Variants in LUZP2 observed in about 807,000 individuals in gnomAD.
LUZP2 encodes the protein leucine zipper protein 2.
A neutral mutation model predicts 51.6 loss-of-function variants in LUZP2; 52 were observed. The observed-to-expected ratio is 1.01, with a 90% confidence interval of 0.81 to 1.27. LUZP2 has a LOEUF of 1.27. LUZP2 is among the 50% of genes most tolerant of loss of function. The probability of loss-of-function intolerance (pLI) is 0.00; values close to 1 mark genes in which losing one functional copy is unlikely to be tolerated. For synonymous variants in LUZP2, 154 were observed against 137.3 expected (o/e 1.12, Z -0.85); for missense variants, 436 against 395.4 (o/e 1.10, Z -0.87).
chr11:24,645,027 CTTT>C (rs1855422145), intron 1 of LUZP2, among the ~76,000 whole-genome samples: 1 of 152,042 alleles, frequency 6.6e-6, no homozygotes, highest in African/African-American at 2.4e-5. Context: ...ATTTTTGTGT[CTTT>C]TTGTCTAACT....
At chr11:24,825,739 A>G (rs1850504852) in intron 5 of LUZP2, among the ~76,000 whole-genome samples, 1 of 152,056 alleles carries the variant, frequency 6.6e-6, no homozygotes, top group Non-Finnish European at 1.5e-5. Flanking sequence ...GAAATCCCAC[A>G]AGCTTCCCTC....
At chr11:24,937,157 A>T (rs1854608699) in intron 7 of LUZP2, among the ~76,000 whole-genome samples, 1 of 152,214 alleles carries the variant, frequency 6.6e-6, no homozygotes, top group African/African-American at 2.4e-5. Context: ...TCTAAGAAAA[A>T]CTAATTTACA....
intron 5 of LUZP2, among the ~76,000 whole-genome samples, chr11:24,867,587 T>C (rs554521944): frequency 1.3e-5 from 2 of 152,264 alleles, no homozygotes; most frequent in African/African-American, 2.4e-5. Flanking sequence ...TTAACTCTCA[T>C]GGAGACTTAC....
intron 7 of LUZP2, among the ~76,000 whole-genome samples, chr11:24,934,579 C>T (rs1405942474): frequency 6.6e-6 from 1 of 151,550 alleles, no homozygotes; most frequent in Admixed American, 6.6e-5. Context: ...CCATTCTCAC[C>T]AAATTTTACC....
intron 5 of LUZP2, among the ~76,000 whole-genome samples, chr11:24,879,625 A>T (rs145441162): frequency 1.8e-3 from 274 of 152,202 alleles, no homozygotes; most frequent in African/African-American, 6.3e-3. Flanking sequence ...CTGGCGTGAG[A>T]TGGTATCTCT....
chr11:24,928,196 C>G (rs1047165778), intron 7 of LUZP2, among the ~76,000 whole-genome samples: 4 of 152,026 alleles, frequency 2.6e-5, no homozygotes, highest in African/African-American at 9.7e-5. Context: ...AGCAGTTTGA[C>G]TTCCTCTTTA....
intron 1 of LUZP2, 166 bp from the exon 2 acceptor site, chr11:24,729,003 G>T: frequency 2.4e-6 from 1 of 412,392 alleles, no homozygotes. Flanking sequence ...TTATAAAATG[G>T]GGTTTTCAAT....
chr11:24,912,348 A>G (rs1369889282), intron 6 of LUZP2, among the ~76,000 whole-genome samples: 2 of 152,004 alleles, frequency 1.3e-5, no homozygotes, highest in African/African-American at 2.4e-5. Context: ...AATATCTGTG[A>G]AAAAACTGTG....
chr11:25,021,239 C>G (rs933208796), intron 9 of LUZP2, among the ~76,000 whole-genome samples: 3 of 151,648 alleles, frequency 2.0e-5, no homozygotes, highest in Non-Finnish European at 4.4e-5. Context: ...AGCATTCTCT[C>G]AGAGACTTAT....
intron 1 of LUZP2, among the ~76,000 whole-genome samples, chr11:24,645,533 A>C (rs555531360): frequency 6.6e-6 from 1 of 152,272 alleles, no homozygotes; most frequent in African/African-American, 2.4e-5. Context: ...AGCACTTGAC[A>C]GCTGTCACCC....
intron 5 of LUZP2, among the ~76,000 whole-genome samples, chr11:24,765,062 A>T (rs1439545048): frequency 6.6e-6 from 1 of 152,192 alleles, no homozygotes; most frequent in African/African-American, 2.4e-5. Context: ...ATTGATAACC[A>T]AAAAAGCTTT....
At chr11:24,925,418 G>T (rs1364693142) in intron 7 of LUZP2, among the ~76,000 whole-genome samples, 3 of 152,152 alleles carry the variant, frequency 2.0e-5, no homozygotes. Flanking sequence ...CAGTTTAAAA[G>T]AACCAACAGC....
chr11:25,031,059 C>G (rs1173049970), intron 9 of LUZP2, among the ~76,000 whole-genome samples: 2 of 127,102 alleles, frequency 1.6e-5, no homozygotes, highest in Non-Finnish European at 3.2e-5. Context: ...GTTACCCAGG[C>G]TGGAGTGCAG....
intron 9 of LUZP2, among the ~76,000 whole-genome samples, chr11:25,014,302 C>A (rs960189090): frequency 1.3e-5 from 2 of 152,150 alleles, no homozygotes; most frequent in African/African-American, 4.8e-5. Context: ...ATTTCTAGTT[C>A]TAGATCCCTG....
chr11:24,887,846 G>A (rs1852722691), intron 5 of LUZP2, among the ~76,000 whole-genome samples: 1 of 152,160 alleles, frequency 6.6e-6, no homozygotes, highest in Non-Finnish European at 1.5e-5. Flanking sequence ...ATATAAAGTG[G>A]TGCACAGTCA....
intron 1 of LUZP2, among the ~76,000 whole-genome samples, chr11:24,621,782 A>G (rs569652543): frequency 5.9e-5 from 9 of 152,318 alleles, no homozygotes; most frequent in East Asian, 5.8e-4. Flanking sequence ...CATTGTCTTC[A>G]AAACTCTTGT....
At chr11:25,045,240 T>C (rs1225475611) in intron 9 of LUZP2, among the ~76,000 whole-genome samples, 3 of 152,016 alleles carry the variant, frequency 2.0e-5, no homozygotes, top group African/African-American at 4.8e-5. Context: ...AAGTAATTAA[T>C]GTATATACAT....
intron 1 of LUZP2, among the ~76,000 whole-genome samples, chr11:24,601,978 G>GTA (rs202129773): frequency 3.6e-5 from 5 of 136,990 alleles, no homozygotes; most frequent in African/African-American, 8.4e-5. Flanking sequence ...ATGTGTATAT[G>GTA]TATATATATG....
intron 1 of LUZP2, among the ~76,000 whole-genome samples, chr11:24,709,772 A>G (rs1857746274): frequency 6.6e-6 from 1 of 152,090 alleles, no homozygotes; most frequent in African/African-American, 2.4e-5. Context: ...TCGTTTTTGT[A>G]TTGGGGCCTC....
Sources: gnomAD v4.1 joint callset for allele counts (sites outside exome capture counted in the v4.1 genomes callset) on GRCh38, gnomAD v4.1.1 for gene constraint, MANE v1.5 for transcripts, NCBI Gene and HGNC (gene_info 2026-07-23, HGNC 2026-07-21) for gene names.